The following CACNA1E variants were observed in gnomAD, a reference collection of about 807,000 sequenced individuals.
CACNA1E encodes the protein calcium voltage-gated channel subunit alpha1 E, also known as voltage-dependent R-type calcium channel subunit alpha-1E.
In CACNA1E, 40 loss-of-function variants were observed where a neutral mutation model predicts 259.2. The ratio of observed to expected loss-of-function variants is 0.15; its 90% CI spans 0.12 to 0.20. The LOEUF (loss-of-function observed/expected upper bound fraction) is 0.20, where lower values mean the gene tolerates loss of function less well. Ranked by LOEUF, CACNA1E falls within the 10% of genes least tolerant of loss-of-function variation. CACNA1E has a pLI of 1.00. For missense variants in CACNA1E, 1,874 were observed against 3,040.1 expected (o/e 0.62, Z 9.02); for synonymous variants, 1,104 against 1,138.5 (o/e 0.97, Z 0.61).
rs1246273370 is a variant in CACNA1E at position 181,411,322 on chromosome 1, CA to C, written c.-14-1810del. Among the ~76,000 whole-genome samples, 3 of 152,268 alleles carry C rather than the reference CA, an allele frequency of 2.0e-5. No individual in the cohort carries two copies. In the East Asian group the frequency reaches 5.8e-4, roughly 29 times the overall value. ...AGCCACCCACCTGGAGTGCTGCTTT[CA>C]CTTGGGCAGGTCCATGAGGCGTAAA... On this transcript the variant is annotated intron_variant, in intron 1 of 11. Transcript: ENST00000524607.
intron 3 of CACNA1E, among the ~76,000 whole-genome samples, chr1:181,544,027 A>G (rs1668793217): frequency 6.6e-6 from 1 of 152,224 alleles, no homozygotes; most frequent in African/African-American, 2.4e-5. Context: ...TAATGTCCAT[A>G]GCAGCATCAT....
At chr1:181,443,044 C>T (rs1383697624) in intron 2 of CACNA1E, among the ~76,000 whole-genome samples, 1 of 152,192 alleles carries the variant, frequency 6.6e-6, no homozygotes, top group Non-Finnish European at 1.5e-5. Flanking sequence ...AGAGGGGCAG[C>T]ATAACTTAGT....
intron 7 of CACNA1E, among the ~76,000 whole-genome samples, chr1:181,695,769 A>C (rs1351446938): frequency 1.3e-5 from 2 of 152,202 alleles, no homozygotes; most frequent in African/African-American, 4.8e-5. Flanking sequence ...AGACCAGCCA[A>C]CATGGCGAAA....
At chr1:181,581,421 G>A (rs1018193212) in intron 6 of CACNA1E, among the ~76,000 whole-genome samples, 1 of 152,174 alleles carries the variant, frequency 6.6e-6, no homozygotes, top group Non-Finnish European at 1.5e-5. Context: ...TGAAAATTCA[G>A]ATTCACAGAC....
chr1:181,766,664 T>C, intron 35 of CACNA1E, 53 bp downstream of exon 35: 1 of 1,383,280 alleles, frequency 7.2e-7, no homozygotes, highest in East Asian at 2.3e-5. Context: ...CCAGATAATC[T>C]CTGGCTTAGC....
rs185280796 is a variant in CACNA1E, at chr1:181,610,701, G to A, written c.951+29925G>A. Reference sequence around the variant, plus strand: ...ATGTCCTGAGGCTCAAGAAATCCCTGTTTGCATTGTGGTGAGCTCCTCAGC... The same window carrying A: ...ATGTCCTGAGGCTCAAGAAATCCCTATTTGCATTGTGGTGAGCTCCTCAGC... On this transcript the variant is annotated intron_variant, in intron 6 of 47. Transcript: ENST00000367573. 3.4e-4 allele frequency among the ~76,000 whole-genome samples: 52 copies of A among 152,240 alleles called. No individual in the cohort carries two copies. In the East Asian group the frequency reaches 6.8e-3, roughly 20 times the overall value.
At chr1:181,751,881 C>T in intron 26 of CACNA1E, 1 of 608,956 alleles carries the variant, frequency 1.6e-6, no homozygotes, top group Non-Finnish European at 3.1e-6. Context: ...CTGTATGTTC[C>T]TCTGTGTGTG....
At chr1:181,771,958 C>G (rs1558372008) in intron 36 of CACNA1E, 108 bp from the exon 37 acceptor site, 3 of 959,422 alleles carry the variant, frequency 3.1e-6, no homozygotes, top group Non-Finnish European at 4.7e-6. Context: ...AAAAGAGAGC[C>G]TGTTGGGCCC....
At chr1:181,792,176 T>C (rs1661378021) in intron 44 of CACNA1E, among the ~76,000 whole-genome samples, 1 of 151,804 alleles carries the variant, frequency 6.6e-6, no homozygotes, top group East Asian at 1.9e-4. Context: ...TGGCGATGTG[T>C]CTAGTGGGAA....
At chr1:181,691,857 T>C (rs900843764) in intron 7 of CACNA1E, among the ~76,000 whole-genome samples, 1 of 152,082 alleles carries the variant, frequency 6.6e-6, no homozygotes, top group African/African-American at 2.4e-5. Flanking sequence ...GGTATTCAAA[T>C]AGGAAAAGAA....
chr1:181,562,696 G>A (rs1649441785), intron 3 of CACNA1E, among the ~76,000 whole-genome samples: 1 of 152,188 alleles, frequency 6.6e-6, no homozygotes, highest in Non-Finnish European at 1.5e-5. Context: ...CTGGGTGTCA[G>A]CACTTCTGTG....
chr1:181,643,874 T>C (rs1255049198), intron 6 of CACNA1E, among the ~76,000 whole-genome samples: 1 of 152,166 alleles, frequency 6.6e-6, no homozygotes, highest in Non-Finnish European at 1.5e-5. Flanking sequence ...TGCTTACTCA[T>C]AACGGCCCCT....
chr1:181,791,893 C>T (rs769120906), intron 44 of CACNA1E, among the ~76,000 whole-genome samples: 4 of 152,112 alleles, frequency 2.6e-5, no homozygotes, highest in East Asian at 1.9e-4. Context: ...CCACAGAGGG[C>T]GAAAAACACT....
intron 6 of CACNA1E, among the ~76,000 whole-genome samples, chr1:181,610,867 A>T (rs1467291465): frequency 6.6e-6 from 1 of 152,236 alleles, no homozygotes; most frequent in East Asian, 1.9e-4. Context: ...CTATTATAAT[A>T]TGTGCTAGGC....
chr1:181,724,663 C>T, intron 17 of CACNA1E, 126 bp downstream of exon 17: 1 of 734,038 alleles, frequency 1.4e-6, no homozygotes, highest in Non-Finnish European at 2.3e-6. Context: ...TTTCTGGAAA[C>T]TTCTGGACAG....
At chr1:181,458,564 G>A (rs1661603769) in intron 2 of CACNA1E, among the ~76,000 whole-genome samples, 1 of 152,214 alleles carries the variant, frequency 6.6e-6, no homozygotes, top group South Asian at 2.1e-4. Flanking sequence ...AGCAAGGCAG[G>A]ATTTAGCTGT....
intron 25 of CACNA1E, among the ~76,000 whole-genome samples, chr1:181,749,350 G>A (rs915535908): frequency 6.6e-6 from 1 of 152,170 alleles, no homozygotes; most frequent in Non-Finnish European, 1.5e-5. Context: ...AATGATCTTA[G>A]GCAAGGCACT....
At chr1:181,368,248 G>GAA (rs1654423745) in intron 1 of CACNA1E, among the ~76,000 whole-genome samples, 1 of 142,198 alleles carries the variant, frequency 7.0e-6, no homozygotes, top group East Asian at 2.0e-4. Flanking sequence ...AAAATAAAAA[G>GAA]AAAATGTGTC....
intron 6 of CACNA1E, among the ~76,000 whole-genome samples, chr1:181,644,310 C>G (rs1466098655): frequency 2.0e-5 from 3 of 152,176 alleles, no homozygotes; most frequent in Non-Finnish European, 2.9e-5. Flanking sequence ...CGATAAGTTG[C>G]TTGGATCCTC....
Sources: gnomAD v4.1 joint callset for allele counts (sites outside exome capture counted in the v4.1 genomes callset) on GRCh38, gnomAD v4.1.1 for gene constraint, MANE v1.5 for transcripts, NCBI Gene and HGNC (gene_info 2026-07-23, HGNC 2026-07-21) for gene names.